RAPGEF5: variants seen among roughly 807,000 people sequenced by gnomAD.
The protein encoded by RAPGEF5 is M-Ras-regulated GEF.
In RAPGEF5, 65 loss-of-function variants were observed where a neutral mutation model predicts 125.2. The ratio of observed to expected loss-of-function variants is 0.52; its 90% CI spans 0.43 to 0.64. The LOEUF is 0.64. Ranked by LOEUF, RAPGEF5 falls within the 30% of genes least tolerant of loss-of-function variation. The pLI is 0.00. For synonymous variants in RAPGEF5, 391 were observed against 385.9 expected, an observed-to-expected ratio of 1.01 and a Z score of -0.16; for missense variants, 958 against 1,048.1, an observed-to-expected ratio of 0.91 and a Z score of 1.19.
intron 11 of RAPGEF5, among the ~76,000 whole-genome samples, chr7:22,171,957 G>A (rs935601639): frequency 2.0e-5 from 3 of 152,198 alleles, no homozygotes; most frequent in Non-Finnish European, 4.4e-5. Flanking sequence ...AAGTAAAAAA[G>A]TAACATCTTG....
chr7:22,130,073 C>T (rs1228923031), intron 24 of RAPGEF5, among the ~76,000 whole-genome samples: 1 of 152,154 alleles, frequency 6.6e-6, no homozygotes, highest in Non-Finnish European at 1.5e-5. Context: ...CACAGGGAAC[C>T]AGGGTCAGTT....
At chr7:22,323,042 T>G (rs1294770981) in intron 1 of RAPGEF5, among the ~76,000 whole-genome samples, 1 of 152,170 alleles carries the variant, frequency 6.6e-6, no homozygotes, top group Non-Finnish European at 1.5e-5. Flanking sequence ...AACCTCCAAG[T>G]GGCTTGTGTA....
At chr7:22,322,394 G>A (rs1783733664) in intron 1 of RAPGEF5, among the ~76,000 whole-genome samples, 2 of 151,756 alleles carry the variant, frequency 1.3e-5, no homozygotes, top group Non-Finnish European at 1.5e-5. Flanking sequence ...CAATCCGCTC[G>A]CCTCAGCCTC....
intron 8 of RAPGEF5, among the ~76,000 whole-genome samples, chr7:22,226,917 C>G (rs1277246608): frequency 2.6e-5 from 4 of 152,122 alleles, no homozygotes; most frequent in African/African-American, 9.7e-5. Context: ...AAGGCAGAAA[C>G]CACACTTACA....
intron 16 of RAPGEF5, 141 bp from the exon 17 acceptor site, chr7:22,154,745 A>AT (rs35055245): frequency 0.32 from 237,341 of 750,210 alleles, 42,540 homozygotes; most frequent in East Asian, 0.35. Flanking sequence ...ACAGAGTTAG[A>AT]TTTTTTATAT....
chr7:22,308,543 A>C, intron 4 of RAPGEF5, 36 bp from the exon 5 acceptor site: 1 of 1,407,108 alleles, frequency 7.1e-7, no homozygotes, highest in Non-Finnish European at 9.5e-7. Context: ...TCAATTTTTT[A>C]AAAGATATTA....
intron 9 of RAPGEF5, among the ~76,000 whole-genome samples, chr7:22,203,680 G>T (rs879434685): frequency 1.3e-5 from 2 of 152,178 alleles, no homozygotes; most frequent in African/African-American, 4.8e-5. Flanking sequence ...AGGCCCGAGG[G>T]AATAGGTGAA....
chr7:22,123,228 G>A (rs1302610952), intron 25 of RAPGEF5, among the ~76,000 whole-genome samples: 4 of 152,140 alleles, frequency 2.6e-5, no homozygotes, highest in Non-Finnish European at 5.9e-5. Context: ...GGGGCCAAAG[G>A]AGGCTTTAGT....
At chr7:22,332,145 G>T (rs1319858289) in intron 1 of RAPGEF5, among the ~76,000 whole-genome samples, 3 of 152,132 alleles carry the variant, frequency 2.0e-5, no homozygotes, top group Admixed American at 1.3e-4. Context: ...ATATTTGACA[G>T]ATTCTGAAAT....
intron 2 of RAPGEF5, among the ~76,000 whole-genome samples, chr7:22,316,530 A>C (rs1783603668): frequency 7.8e-6 from 1 of 128,492 alleles, no homozygotes. Context: ...TTGCTGTGTC[A>C]CCCAAGCTGG....
rs2128107163 is a variant in RAPGEF5, at chr7:22,150,512, TGAA to T, written c.1787-11_1787-9del. On this transcript the variant is annotated splice_polypyrimidine_tract_variant and intron_variant, in intron 17 of 25. Coordinates refer to ENST00000665637, the MANE Select transcript of RAPGEF5 (RefSeq NM_012294.5). The stretch of plus-strand genomic sequence containing the variant: ...GCTGAAGTTCATGCTTTTCTTTATT[TGAA>T]AAAAAAAAAAAAAAAAGGAATAATC... 2.3e-6 allele frequency: 3 copies of T among 1,324,518 alleles called. No individual in the cohort carries two copies. Among genetic ancestry groups the T allele is most frequent in the Non-Finnish European group, 9.7e-7 (1 of 1,028,000 alleles). 82.0% of individuals were successfully genotyped at this position (1,324,518 alleles called of 1,614,324 possible). A position where few individuals can be genotyped will look rare whatever the true frequency, so the allele number is the denominator to read the frequency against.
chr7:22,155,311 G>C (rs527363395), intron 16 of RAPGEF5, among the ~76,000 whole-genome samples: 3 of 152,120 alleles, frequency 2.0e-5, no homozygotes, highest in Non-Finnish European at 4.4e-5. Flanking sequence ...GGGTGAATGG[G>C]TCCTGAAAAA....
Position 22,122,531 on chromosome 7 carries a change from A to G in RAPGEF5, c.2537-10T>C, listed in dbSNP as rs779084571. 26 of 1,593,212 alleles carry G rather than the reference A, an allele frequency of 1.6e-5. No individual in the cohort carries two copies. Among genetic ancestry groups the G allele is most frequent in the South Asian group, 1.3e-4 (12 of 90,554 alleles). ...TTTGGAGACAGGTCACCTGTTGTTT[A>G]GAGGGGGAAAAAAGACAATCTCAGG... On this transcript the variant is annotated splice_polypyrimidine_tract_variant and intron_variant, in intron 25 of 25. Coordinates refer to ENST00000665637, the MANE Select transcript of RAPGEF5 (RefSeq NM_012294.5).
intron 1 of RAPGEF5, among the ~76,000 whole-genome samples, chr7:22,337,142 TC>T (rs150407415): frequency 0.04 from 6,080 of 152,170 alleles, 145 homozygotes; most frequent in East Asian, 0.085. Flanking sequence ...CAAACCAGCC[TC>T]CCTGAAAATT....
rs965955418 is a variant in RAPGEF5 at position 22,119,659 on chromosome 7, G to T, written c.*2747C>A. 3 of 152,308 alleles carry T rather than the reference G, an allele frequency of 2.0e-5. No individual in the cohort carries two copies. Among genetic ancestry groups the T allele is most frequent in the African/African-American group, 7.2e-5 (3 of 41,558 alleles). 9.4% of individuals were successfully genotyped at this position (152,308 alleles called of 1,614,324 possible). Reference sequence around the variant, plus strand: ...TCTGAGAGTTGTGCTGTAACAAAAAGAGCCCACTTAGAAGTGCCCCTGCAC... The same window carrying T: ...TCTGAGAGTTGTGCTGTAACAAAAATAGCCCACTTAGAAGTGCCCCTGCAC... On this transcript the variant is annotated 3_prime_UTR_variant, in exon 26 of 26. Coordinates refer to ENST00000665637, the MANE Select transcript of RAPGEF5 (RefSeq NM_012294.5). The surrounding 1 kb of genome is among the most constrained non-coding windows in gnomAD (Gnocchi z 4.1).
At chr7:22,230,804 A>G (rs1397684778) in intron 8 of RAPGEF5, 42 bp downstream of exon 8, 1 of 1,513,798 alleles carries the variant, frequency 6.6e-7, no homozygotes, top group Admixed American at 2.0e-5. Context: ...CACCCTCAAC[A>G]CAGAAGGGTA....
intron 1 of RAPGEF5, among the ~76,000 whole-genome samples, chr7:22,338,137 C>A (rs1237869920): frequency 6.6e-6 from 1 of 152,218 alleles, no homozygotes; most frequent in East Asian, 1.9e-4. Flanking sequence ...TATTCTACTG[C>A]TGACAGATTG....
chr7:22,147,039 A>G lies in RAPGEF5; in HGVS notation c.1885-20T>C. ...TGGGTTCTAAACCAACAGAAGCAAAAAGATCCTCAGTAATTCCCAAATGTT... is the reference window on the plus strand; with the variant it reads ...TGGGTTCTAAACCAACAGAAGCAAAGAGATCCTCAGTAATTCCCAAATGTT... On this transcript the variant is annotated intron_variant, in intron 18 of 25. Coordinates refer to ENST00000665637, the MANE Select transcript of RAPGEF5 (RefSeq NM_012294.5). 3 of 1,609,482 alleles carry G rather than the reference A, an allele frequency of 1.9e-6. No homozygotes were observed. Among genetic ancestry groups the G allele is most frequent in the Non-Finnish European group, 2.5e-6 (3 of 1,178,626 alleles).
intron 1 of RAPGEF5, among the ~76,000 whole-genome samples, chr7:22,330,968 G>A (rs1443680082): frequency 2.0e-5 from 3 of 152,106 alleles, no homozygotes; most frequent in African/African-American, 7.2e-5. Context: ...CATATAGGAC[G>A]CTAGCTTCAT....
Sources: allele counts gnomAD v4.1 joint callset (sites outside exome capture counted in the v4.1 genomes callset), GRCh38; gene constraint gnomAD v4.1.1; non-coding constraint Gnocchi (gnomAD v3.1); transcripts MANE v1.5; gene names NCBI Gene and HGNC (gene_info 2026-07-23, HGNC 2026-07-21).